Variants in PCDHA4 observed in about 807,000 individuals in gnomAD.
PCDHA4 encodes the protein protocadherin alpha-4.
A neutral mutation model predicts 61.4 loss-of-function variants in PCDHA4; 49 were observed. The ratio of observed to expected loss-of-function variants is 0.80; its 90% CI spans 0.63 to 1.01. The LOEUF (loss-of-function observed/expected upper bound fraction) is 1.01, where lower values mean the gene tolerates loss of function less well. Ranked by LOEUF, PCDHA4 falls within the 50% of genes least tolerant of loss-of-function variation. The pLI, the probability that PCDHA4 is intolerant of heterozygous loss-of-function variation, is 0.00. For synonymous variants in PCDHA4, 590 were observed against 550.3 expected, an observed-to-expected ratio of 1.07 and a Z score of -1.01; for missense variants, 1,254 against 1,235.8, an observed-to-expected ratio of 1.01 and a Z score of -0.22.
At chr5:140,918,027 G>C (rs782291548) in intron 1 of PCDHA4, among the ~76,000 whole-genome samples, 2 of 152,108 alleles carry the variant, frequency 1.3e-5, no homozygotes, top group East Asian at 3.8e-4. Context: ...ACCCATGAGC[G>C]TGGAAGGTCT....
At chr5:140,914,023 G>A (rs1434570010) in intron 1 of PCDHA4, among the ~76,000 whole-genome samples, 5 of 152,112 alleles carry the variant, frequency 3.3e-5, no homozygotes, top group African/African-American at 7.2e-5. Context: ...AATGATCCAC[G>A]TGCTGAGAAG....
chr5:140,824,510 G>A (rs1052808774), intron 1 of PCDHA4: 6 of 283,302 alleles, frequency 2.1e-5, no homozygotes, highest in Non-Finnish European at 2.6e-5. Flanking sequence ...AGTCTGCAGT[G>A]ATCTGATCAT....
intron 1 of PCDHA4, among the ~76,000 whole-genome samples, chr5:140,972,657 CA>C (rs1342092810): frequency 2.8e-5 from 4 of 143,798 alleles, no homozygotes; most frequent in South Asian, 4.5e-4. Context: ...AAAAAGAAAC[CA>C]AATTTTTTTT....
chr5:140,846,514 A>G (rs1554141354), intron 1 of PCDHA4, among the ~76,000 whole-genome samples: 1 of 147,154 alleles, frequency 6.8e-6, no homozygotes, highest in African/African-American at 2.5e-5. Flanking sequence ...AGCTGGGATT[A>G]CAGGTGCATG....
chr5:141,007,416 AAATT>A (rs2098327486), intron 3 of PCDHA4, among the ~76,000 whole-genome samples: 1 of 149,348 alleles, frequency 6.7e-6, no homozygotes, highest in Non-Finnish European at 1.5e-5. Context: ...AAAAAAAAAA[AAATT>A]AGCCAGGCAT....
chr5:140,829,166 G>C lies in PCDHA4; in HGVS notation c.2385+19594G>C, dbSNP rs2150163292. 5 of 1,614,104 alleles carry C rather than the reference G, an allele frequency of 3.1e-6. No homozygotes were observed. The South Asian group carries it at 5.5e-5, about 18-fold the overall frequency. ...AGCACTGACTTCCTTATCCTTGCCT[G>C]TACGTGAAGACGCTCAATTTGGTAC... On this transcript the variant is annotated intron_variant, in intron 1 of 3. Coordinates refer to ENST00000530339, the MANE Select transcript of PCDHA4 (RefSeq NM_018907.4).
At position 140,850,419 on chromosome 5, in the gene PCDHA4, G is replaced by C. The variant is rs1465099022; in HGVS notation, c.2385+40847G>C. On this transcript the variant is annotated intron_variant, in intron 1 of 3. Transcript: ENST00000530339. ...AACGCGTGCCCTGGACGAAACGGAC[G>C]CACCGCGCCAGCGCCTACTGGTGCT... is the stretch of plus-strand genomic sequence containing the variant. The C allele has an allele frequency of 1.9e-6, 3 of 1,597,838 alleles. No homozygotes were observed. The South Asian group carries it at 3.3e-5, about 18-fold the overall frequency.
chr5:140,872,606 A>T (rs905903091), intron 1 of PCDHA4, among the ~76,000 whole-genome samples: 4 of 151,888 alleles, frequency 2.6e-5, no homozygotes, highest in Non-Finnish European at 4.4e-5. Context: ...TGAAAAAATA[A>T]TTTTTTTTGC....
intron 3 of PCDHA4, among the ~76,000 whole-genome samples, chr5:141,009,035 G>A (rs1455230382): frequency 2.6e-5 from 4 of 152,106 alleles, no homozygotes; most frequent in Non-Finnish European, 2.9e-5. Flanking sequence ...TTCCCATCCC[G>A]TTCCCAGTCA....
Position 141,010,780 on chromosome 5 carries a change from TGCAAAA to T in PCDHA4, c.*851_*856del, listed in dbSNP as rs1309288663. 1 of 153,816 alleles carries T rather than the reference TGCAAAA, an allele frequency of 6.5e-6. No homozygotes were observed. The highest frequency in any genetic ancestry group is 1.9e-4 in the East Asian group (1 of 5,188). The allele number at this position is 153,816 out of a possible 1,614,324, so 9.5% of individuals were successfully genotyped here. On this transcript the variant is annotated 3_prime_UTR_variant, in exon 4 of 4. Transcript: ENST00000530339. ...AGGCCAGATCCTTTTCCAATACTTATGCAAAAGCAAAAGAAAACCCCGACACCTCAC... is the reference window on the plus strand; with the variant it reads ...AGGCCAGATCCTTTTCCAATACTTATGCAAAAGAAAACCCCGACACCTCAC...
chr5:141,008,438 A>G (rs1214725080), intron 3 of PCDHA4, among the ~76,000 whole-genome samples: 1 of 152,204 alleles, frequency 6.6e-6, no homozygotes, highest in Admixed American at 6.5e-5. Flanking sequence ...TTGCCCAGAC[A>G]GACCATTACC....
At chr5:140,823,987 C>T in intron 1 of PCDHA4, 2 of 1,614,204 alleles carry the variant, frequency 1.2e-6, no homozygotes, top group Non-Finnish European at 1.7e-6. Context: ...CAAGCCCACT[C>T]TGTTGTGCTC....
chr5:140,989,653 T>A (rs1308581336), intron 3 of PCDHA4, among the ~76,000 whole-genome samples: 2 of 152,194 alleles, frequency 1.3e-5, no homozygotes, highest in African/African-American at 4.8e-5. Context: ...ATGGCAATAT[T>A]TTAAAAGAAA....
In PCDHA4 at chr5:140,843,388, G is replaced by A; in HGVS notation, c.2385+33816G>A. 18 of 1,596,064 alleles carry A rather than the reference G, an allele frequency of 1.1e-5. 1 individual carries two copies. Among genetic ancestry groups the A allele is most frequent in the Non-Finnish European group, 1.5e-5 (17 of 1,165,572 alleles). ...GGCAGTCGGCTGGCGTTTTGGGTCCGGAAGCGGCGCTGGTGGATGTCAACG... is the reference window on the plus strand; with the variant it reads ...GGCAGTCGGCTGGCGTTTTGGGTCCAGAAGCGGCGCTGGTGGATGTCAACG... On this transcript the variant is annotated intron_variant, in intron 1 of 3. Coordinates refer to ENST00000530339, the MANE Select transcript of PCDHA4 (RefSeq NM_018907.4).
intron 1 of PCDHA4, chr5:140,870,529 G>A (rs2052113654): frequency 6.2e-7 from 1 of 1,614,096 alleles, no homozygotes. Context: ...CATCTTCACA[G>A]TGTCGGCGCG....
At chr5:140,997,615 T>C (rs900460811) in intron 3 of PCDHA4, among the ~76,000 whole-genome samples, 5 of 152,096 alleles carry the variant, frequency 3.3e-5, no homozygotes, top group Non-Finnish European at 7.3e-5. Context: ...CATGACTATA[T>C]AGAGATTTTC....
chr5:140,882,966 T>C (rs201472469), intron 1 of PCDHA4: 3 of 1,614,202 alleles, frequency 1.9e-6, no homozygotes, highest in Non-Finnish European at 8.5e-7. Context: ...ATCACGATTC[T>C]GGACGTGAAT....
chr5:140,912,612 A>T (rs1286245692), intron 1 of PCDHA4, among the ~76,000 whole-genome samples: 1 of 151,994 alleles, frequency 6.6e-6, no homozygotes, highest in South Asian at 2.1e-4. Context: ...CTCTTGTCTG[A>T]TTACTCTGGA....
At chr5:141,008,751 AG>A (rs1234240078) in intron 3 of PCDHA4, among the ~76,000 whole-genome samples, 11 of 152,244 alleles carry the variant, frequency 7.2e-5, no homozygotes, top group African/African-American at 2.2e-4. Context: ...CACTGAGGGA[AG>A]GAATTTGGCT....
Sources: allele counts gnomAD v4.1 joint callset (sites outside exome capture counted in the v4.1 genomes callset), GRCh38; gene constraint gnomAD v4.1.1; transcripts MANE v1.5; gene names NCBI Gene and HGNC (gene_info 2026-07-23, HGNC 2026-07-21).